The following IL1RAPL2 variants were observed in gnomAD, a reference collection of about 807,000 sequenced individuals.
IL1RAPL2 encodes the protein interleukin 1 receptor accessory protein like 2.
IL1RAPL2 carries 3 observed loss-of-function variants against 44.1 expected under a neutral mutation model. That is an observed-to-expected ratio of 0.07 (90% CI 0.03 to 0.18). The LOEUF is 0.18. Ranked by LOEUF, IL1RAPL2 falls within the 10% of genes least tolerant of loss-of-function variation. The pLI, the probability that IL1RAPL2 is intolerant of heterozygous loss-of-function variation, is 1.00. For synonymous variants in IL1RAPL2, 181 were observed against 178.8 expected, an observed-to-expected ratio of 1.01 and a Z score of -0.10; for missense variants, 391 against 496.4, an observed-to-expected ratio of 0.79 and a Z score of 2.02.
chrX:104,822,630 C>A (rs1401978927), intron 2 of IL1RAPL2, among the ~76,000 whole-genome samples: 1 of 111,919 alleles, frequency 8.9e-6, no homozygotes, highest in Non-Finnish European at 1.9e-5. Flanking sequence ...GGTACAAGTA[C>A]CAGTACCATG....
chrX:105,124,934 T>G (rs1214797409), intron 2 of IL1RAPL2, among the ~76,000 whole-genome samples: 1 of 110,654 alleles, frequency 9.0e-6, no homozygotes, highest in Non-Finnish European at 1.9e-5. Flanking sequence ...TTTCTTTCCC[T>G]CCTTTCTTTT....
At chrX:105,643,232 T>G (rs1238641286) in intron 6 of IL1RAPL2, among the ~76,000 whole-genome samples, 1 of 111,509 alleles carries the variant, frequency 9.0e-6, no homozygotes, top group Non-Finnish European at 1.9e-5. Flanking sequence ...AAGTTGAAAG[T>G]TGAAAATTGT....
intron 4 of IL1RAPL2, among the ~76,000 whole-genome samples, chrX:105,253,927 C>T (rs2034293535): frequency 8.9e-6 from 1 of 111,882 alleles, no homozygotes; most frequent in Non-Finnish European, 1.9e-5. Context: ...ATATGTACCA[C>T]ATTTTCTTTA....
At chrX:104,674,233 G>C (rs1224603835) in intron 2 of IL1RAPL2, among the ~76,000 whole-genome samples, 1 of 111,725 alleles carries the variant, frequency 9.0e-6, no homozygotes, top group Non-Finnish European at 1.9e-5. Flanking sequence ...TCGGCTGTGG[G>C]TTTGTCATAG....
At chrX:105,517,441 C>A (rs1359077913) in intron 6 of IL1RAPL2, among the ~76,000 whole-genome samples, 1 of 111,396 alleles carries the variant, frequency 9.0e-6, no homozygotes, top group Non-Finnish European at 1.9e-5. Flanking sequence ...TTGAACATTG[C>A]TACTACTCTT....
chrX:105,533,111 A>T (rs1387426592), intron 6 of IL1RAPL2, among the ~76,000 whole-genome samples: 1 of 110,754 alleles, frequency 9.0e-6, no homozygotes, highest in East Asian at 2.8e-4. Context: ...AATTGCTTGA[A>T]CCTGGGAGGC....
intron 2 of IL1RAPL2, among the ~76,000 whole-genome samples, chrX:104,939,728 T>C (rs1925117155): frequency 9.0e-6 from 1 of 110,998 alleles, no homozygotes; most frequent in African/African-American, 3.3e-5. Context: ...ATAAAGAAAA[T>C]ATGGTAGGTC....
chrX:105,709,688 C>A (rs987147062), intron 6 of IL1RAPL2, among the ~76,000 whole-genome samples: 1 of 111,676 alleles, frequency 9.0e-6, no homozygotes, highest in Non-Finnish European at 1.9e-5. Flanking sequence ...CATGAAATGT[C>A]TTTGCCTTGC....
At chrX:104,902,854 T>TA in intron 2 of IL1RAPL2, among the ~76,000 whole-genome samples, 1 of 111,469 alleles carries the variant, frequency 9.0e-6, no homozygotes, top group Middle Eastern at 4.6e-3. Flanking sequence ...ATTAGGCATG[T>TA]AAAAAATAAA....
At chrX:104,817,258 G>C (rs1214630231) in intron 2 of IL1RAPL2, among the ~76,000 whole-genome samples, 1 of 112,491 alleles carries the variant, frequency 8.9e-6, no homozygotes, top group Non-Finnish European at 1.9e-5. Context: ...AGGTAGGCCA[G>C]ATAATTTCTT....
intron 5 of IL1RAPL2, among the ~76,000 whole-genome samples, chrX:105,438,576 A>G (rs1031588585): frequency 1.8e-5 from 2 of 110,905 alleles, no homozygotes; most frequent in Non-Finnish European, 3.8e-5. Context: ...TTTTGTGCCC[A>G]TAATTTAGAC....
intron 1 of IL1RAPL2, among the ~76,000 whole-genome samples, chrX:104,610,750 A>C (rs1278952389): frequency 8.9e-6 from 1 of 111,939 alleles, no homozygotes; most frequent in African/African-American, 3.3e-5. Flanking sequence ...GCTACCAATG[A>C]CTTTCTTCAC....
At chrX:105,235,366 G>A (rs2147637273) in intron 4 of IL1RAPL2, among the ~76,000 whole-genome samples, 1 of 111,870 alleles carries the variant, frequency 8.9e-6, no homozygotes, top group African/African-American at 3.2e-5. Flanking sequence ...TGATGTGATG[G>A]TAGATGACCA....
chrX:105,375,372 G>A (rs1047118769), intron 5 of IL1RAPL2, among the ~76,000 whole-genome samples: 8 of 111,323 alleles, frequency 7.2e-5, no homozygotes, highest in African/African-American at 1.3e-4. Flanking sequence ...TTAGCTGGAC[G>A]TGGTGGCACG....
intron 6 of IL1RAPL2, among the ~76,000 whole-genome samples, chrX:105,524,527 G>T (rs1374324432): frequency 9.2e-6 from 1 of 109,274 alleles, no homozygotes; most frequent in Non-Finnish European, 1.9e-5. Context: ...AAGCACCTAA[G>T]AACTTATTTA....
chrX:105,423,621 A>G (rs756351962), intron 5 of IL1RAPL2, among the ~76,000 whole-genome samples: 2 of 111,554 alleles, frequency 1.8e-5, no homozygotes, highest in African/African-American at 6.5e-5. Context: ...ATCACTGAGC[A>G]CTCTAATGGT....
chrX:105,041,448 C>G (rs765398698), intron 2 of IL1RAPL2, among the ~76,000 whole-genome samples: 2 of 110,444 alleles, frequency 1.8e-5, no homozygotes, highest in African/African-American at 6.6e-5. Context: ...GACTTTCTGT[C>G]TCATTGATCT....
At chrX:104,679,200 C>A (rs985379034) in intron 2 of IL1RAPL2, among the ~76,000 whole-genome samples, 2 of 111,107 alleles carry the variant, frequency 1.8e-5, no homozygotes, top group African/African-American at 6.6e-5. Context: ...AAGATATGGA[C>A]TGGAGCCCAT....
intron 6 of IL1RAPL2, among the ~76,000 whole-genome samples, chrX:105,613,907 G>A (rs2037354773): frequency 9.0e-6 from 1 of 111,136 alleles, no homozygotes; most frequent in Admixed American, 9.6e-5. Context: ...GGGCCTGGGA[G>A]AGCTTTGCCA....
Sources: gnomAD v4.1 joint callset for allele counts (sites outside exome capture counted in the v4.1 genomes callset) on GRCh38, gnomAD v4.1.1 for gene constraint, MANE v1.5 for transcripts, NCBI Gene and HGNC (gene_info 2026-07-23, HGNC 2026-07-21) for gene names.